CACNB2: variants seen among roughly 807,000 people sequenced by gnomAD.
CACNB2 encodes calcium voltage-gated channel auxiliary subunit beta 2.
CACNB2 carries 42 observed loss-of-function variants against 73.3 expected under a neutral mutation model. The observed-to-expected ratio is 0.57, with a 90% CI of 0.45 to 0.74. The LOEUF (loss-of-function observed/expected upper bound fraction) is 0.74. CACNB2 is among the 30% of genes least tolerant of loss of function. The pLI, the probability that CACNB2 is intolerant of heterozygous loss-of-function variation, is 0.00. For missense variants in CACNB2, 940 were observed against 853.0 expected (o/e 1.10, Z -1.27); for synonymous variants, 348 against 310.3 (o/e 1.12, Z -1.28).
chr10:18,146,347 T>C (rs2030979494), intron 1 of CACNB2, among the ~76,000 whole-genome samples: 1 of 143,686 alleles, frequency 7.0e-6, no homozygotes, highest in Non-Finnish European at 1.5e-5. Context: ...TCTCACTCGG[T>C]AGCCCAGGTT....
intron 2 of CACNB2, chr10:18,260,625 T>A: frequency 1.0e-6 from 1 of 987,106 alleles, no homozygotes; most frequent in Non-Finnish European, 1.2e-6. Context: ...GACTCAGTCA[T>A]TTTTCAGGGT....
intron 2 of CACNB2, chr10:18,234,072 C>G (rs2036330988): frequency 6.6e-6 from 1 of 152,080 alleles, no homozygotes; most frequent in Admixed American, 6.6e-5. Context: ...GGGCAGTGGG[C>G]CAGCAGCTGC....
At chr10:18,242,850 A>C (rs1202947232) in intron 2 of CACNB2, among the ~76,000 whole-genome samples, 2 of 151,340 alleles carry the variant, frequency 1.3e-5, no homozygotes, top group African/African-American at 4.8e-5. Flanking sequence ...AACCAAAAAA[A>C]CAAAAAAACA....
intron 5 of CACNB2, among the ~76,000 whole-genome samples, chr10:18,502,030 C>T (rs556419623): frequency 7.2e-5 from 11 of 152,296 alleles, no homozygotes; most frequent in South Asian, 6.2e-4. Context: ...AAAGATTGGC[C>T]GGGCATGGTG....
intron 2 of CACNB2, chr10:18,151,279 T>A (rs1348682570): frequency 3.6e-6 from 1 of 278,864 alleles, no homozygotes; most frequent in East Asian, 8.5e-5. Context: ...GATTGTTTTT[T>A]TTTTTTTTCA....
At chr10:18,246,552 C>G (rs1330276613) in intron 2 of CACNB2, among the ~76,000 whole-genome samples, 6 of 152,050 alleles carry the variant, frequency 3.9e-5, no homozygotes, top group Non-Finnish European at 8.8e-5. Context: ...GTACCAATCT[C>G]AAATGTTTAC....
In CACNB2 at chr10:18,514,957, T is replaced by C. The variant is rs1347646068; in HGVS notation, c.804+588T>C. The stretch of plus-strand genomic sequence containing the variant: ...AGTATTCAAGTTTTAATTTAGTCAG[T>C]ATTTAAACTTCTAATCCACTAGGTG... On this transcript the variant is annotated intron_variant, in intron 7 of 13. Transcript: ENST00000324631. 4 of 1,558,116 alleles carry C rather than the reference T, an allele frequency of 2.6e-6. No individual in the cohort carries two copies. In the South Asian group the frequency reaches 3.3e-5, roughly 13 times the overall value.
At position 18,503,677 on chromosome 10, in the gene CACNB2, G is replaced by A. The variant is rs190102950; in HGVS notation, c.593+2729G>A. Among the ~76,000 whole-genome samples the A allele has an allele frequency of 9.9e-5, 15 of 152,258 alleles. No homozygotes were observed. The East Asian group carries it at 2.7e-3, about 27-fold the overall frequency. ...GCTCCTGTCAACTAGGTAGTATATCGTTTGTTGAGGTTTGAAGTTATCCCA... is the reference window on the plus strand; with the variant it reads ...GCTCCTGTCAACTAGGTAGTATATCATTTGTTGAGGTTTGAAGTTATCCCA... On this transcript the variant is annotated intron_variant, in intron 5 of 13. Transcript: ENST00000324631.
At chr10:18,243,781 G>A (rs896194092) in intron 2 of CACNB2, among the ~76,000 whole-genome samples, 2 of 152,132 alleles carry the variant, frequency 1.3e-5, no homozygotes, top group Non-Finnish European at 2.9e-5. Context: ...GAAGCAGCCT[G>A]AGGCCCTCAC....
chr10:18,527,676 T>C lies in CACNB2; in HGVS notation c.1033T>C (p.Ser345Pro). 1 of 1,612,574 alleles carries C rather than the reference T, an allele frequency of 6.2e-7. No homozygotes were observed. The highest frequency in any genetic ancestry group is 8.5e-7 in the Non-Finnish European group (1 of 1,178,792). Residue 345 changes from serine to proline, a missense_variant, in exon 10 of 14, where the codon TCC becomes CCC. Coordinates refer to ENST00000324631, the MANE Select transcript of CACNB2 (RefSeq NM_201596.3). ...NPSKHAIIER[S>P]NTRSSLAEVQ... ...CAGTAAGCACGCAATAATAGAAAGA[T>C]CCAACACAAGGTCAAGCTTAGGTAA...
chr10:18,402,248 T>C (rs1441809077), intron 3 of CACNB2, among the ~76,000 whole-genome samples: 1 of 152,218 alleles, frequency 6.6e-6, no homozygotes, highest in Non-Finnish European at 1.5e-5. Flanking sequence ...CTATGTTGTT[T>C]TATAATCCAA....
At chr10:18,343,911 C>G (rs2041337638) in intron 2 of CACNB2, among the ~76,000 whole-genome samples, 1 of 151,988 alleles carries the variant, frequency 6.6e-6, no homozygotes, top group South Asian at 2.1e-4. Context: ...CAAAGTGGTC[C>G]TCAACTTCTA....
chr10:18,419,445 G>T (rs999850159), intron 3 of CACNB2, among the ~76,000 whole-genome samples: 2 of 152,152 alleles, frequency 1.3e-5, no homozygotes, highest in Non-Finnish European at 2.9e-5. Context: ...GAGAGAGAAG[G>T]TGACACGGAG....
At chr10:18,390,682 A>C (rs940925069) in intron 2 of CACNB2, among the ~76,000 whole-genome samples, 5 of 152,188 alleles carry the variant, frequency 3.3e-5, no homozygotes, top group Non-Finnish European at 7.3e-5. Context: ...TATAAGTTAT[A>C]TGTATAGTCA....
chr10:18,238,567 A>G (rs2036534392), intron 2 of CACNB2: 1 of 152,248 alleles, frequency 6.6e-6, no homozygotes, highest in South Asian at 2.1e-4. Context: ...ACTACTTGCT[A>G]CACATTCTTA....
At chr10:18,386,913 A>G (rs2043259673) in intron 2 of CACNB2, among the ~76,000 whole-genome samples, 2 of 152,212 alleles carry the variant, frequency 1.3e-5, no homozygotes, top group African/African-American at 4.8e-5. Context: ...ATGATGATGA[A>G]GGATCATGAA....
At chr10:18,226,226 C>T (rs775733832) in intron 2 of CACNB2, among the ~76,000 whole-genome samples, 2 of 151,794 alleles carry the variant, frequency 1.3e-5, no homozygotes, top group African/African-American at 2.4e-5. Context: ...GAGGTTTTGC[C>T]ATGTTGCCCA....
intron 3 of CACNB2, among the ~76,000 whole-genome samples, chr10:18,454,859 A>G (rs1308746864): frequency 6.6e-6 from 1 of 152,110 alleles, no homozygotes; most frequent in East Asian, 1.9e-4. Flanking sequence ...GGCAACATAG[A>G]AAGACTGCCC....
intron 3 of CACNB2, among the ~76,000 whole-genome samples, chr10:18,491,752 C>G (rs1159836941): frequency 8.0e-6 from 1 of 124,604 alleles, no homozygotes. Flanking sequence ...ATTTGATTAA[C>G]AAATGGTTTC....
Sources: gnomAD v4.1 joint callset for allele counts (sites outside exome capture counted in the v4.1 genomes callset) on GRCh38, gnomAD v4.1.1 for gene constraint, MANE v1.5 for transcripts, NCBI Gene and HGNC (gene_info 2026-07-23, HGNC 2026-07-21) for gene names.